PLXDC1: variants seen among roughly 807,000 people sequenced by gnomAD.
The protein encoded by PLXDC1 is plexin domain-containing protein 1.
Under a neutral mutation model 61.3 loss-of-function variants are expected in PLXDC1, and 39 were observed. That is an observed-to-expected ratio of 0.64 (90% CI 0.49 to 0.83). The LOEUF (loss-of-function observed/expected upper bound fraction) is 0.83. PLXDC1 is among the 40% of genes least tolerant of loss of function. PLXDC1 has a pLI of 0.00. For missense variants in PLXDC1, 596 were observed against 666.5 expected, an observed-to-expected ratio of 0.89 and a Z score of 1.17; for synonymous variants, 212 against 254.5, an observed-to-expected ratio of 0.83 and a Z score of 1.59.
intron 7 of PLXDC1, among the ~76,000 whole-genome samples, chr17:39,103,308 G>A (rs1443775070): frequency 6.6e-6 from 1 of 152,092 alleles, no homozygotes; most frequent in Non-Finnish European, 1.5e-5. Context: ...GGCTTGCAGG[G>A]GAGGTTAAGT....
intron 9 of PLXDC1, 121 bp from the exon 10 acceptor site, chr17:39,079,285 G>A (rs955924042): frequency 1.3e-6 from 1 of 798,838 alleles, no homozygotes; most frequent in South Asian, 1.4e-5. Flanking sequence ...CCAGGCTGAG[G>A]TAGTCAGGCA....
intron 1 of PLXDC1, among the ~76,000 whole-genome samples, chr17:39,145,918 T>C (rs1212156469): frequency 6.6e-6 from 1 of 152,092 alleles, no homozygotes; most frequent in Non-Finnish European, 1.5e-5. Flanking sequence ...CAAAATCATA[T>C]ACACAGAGCA....
chr17:39,129,482 T>A (rs192994523), intron 2 of PLXDC1, among the ~76,000 whole-genome samples: 59 of 151,718 alleles, frequency 3.9e-4, no homozygotes, highest in Admixed American at 3.8e-3. Flanking sequence ...CCAGGCATGG[T>A]GGCACGCGCC....
At chr17:39,096,746 C>A (rs1407798686) in intron 7 of PLXDC1, 2 of 358,950 alleles carry the variant, frequency 5.6e-6, no homozygotes, top group Non-Finnish European at 1.1e-5. Context: ...TTCAGAATCC[C>A]TGTCAGTTTC....
chr17:39,083,366 G>A (rs957420701), intron 9 of PLXDC1, 93 bp downstream of exon 9: 5 of 900,086 alleles, frequency 5.6e-6, no homozygotes, highest in Middle Eastern at 5.6e-4. Context: ...CATGTTGGCT[G>A]ACTGTGGGCA....
At chr17:39,096,785 T>A (rs558276360) in intron 7 of PLXDC1, 4 of 391,612 alleles carry the variant, frequency 1.0e-5, no homozygotes, top group Non-Finnish European at 2.1e-5. Flanking sequence ...GTTGCTTTTA[T>A]ACTAACCATG....
chr17:39,089,793 A>G (rs1189757265), intron 7 of PLXDC1, among the ~76,000 whole-genome samples: 1 of 151,974 alleles, frequency 6.6e-6, no homozygotes, highest in East Asian at 1.9e-4. Flanking sequence ...TTCACATAGT[A>G]TCTCATTATT....
chr17:39,135,672 CGT>C (rs1911724296), intron 2 of PLXDC1, among the ~76,000 whole-genome samples: 1 of 144,714 alleles, frequency 6.9e-6, no homozygotes. Context: ...AGCAACACTC[CGT>C]CTAAAAAAAA....
Position 39,128,067 on chromosome 17 carries a change from GTCTCTCTC to G in PLXDC1, c.255+11579_255+11586del, listed in dbSNP as rs376740692. On this transcript the variant is annotated intron_variant, in intron 2 of 13. Transcript: ENST00000315392. ...CAGCTCTCTCTCTCTCTCTCTCTCT[GTCTCTCTC>G]TCTCTCTCTCTCTCTCTATGTGTAT... Among the ~76,000 whole-genome samples, 273 of 78,528 alleles carry G rather than the reference GTCTCTCTC, an allele frequency of 3.5e-3. 15 individuals carry two copies. Among genetic ancestry groups the G allele is most frequent in the South Asian group, 0.034 (83 of 2,426 alleles). 51.5% of individuals were successfully genotyped at this position (78,528 alleles called of 152,430 possible). A position where few individuals can be genotyped will look rare whatever the true frequency, so the allele number is the denominator to read the frequency against.
At chr17:39,129,406 C>T (rs755668868) in intron 2 of PLXDC1, among the ~76,000 whole-genome samples, 3 of 150,972 alleles carry the variant, frequency 2.0e-5, no homozygotes, top group Non-Finnish European at 2.9e-5. Context: ...ATCACGAGGT[C>T]AGGAGATCGA....
intron 2 of PLXDC1, among the ~76,000 whole-genome samples, chr17:39,128,100 T>C (rs956918093): frequency 4.2e-5 from 4 of 95,386 alleles, no homozygotes; most frequent in Non-Finnish European, 8.3e-5. Context: ...TCTATGTGTA[T>C]ATATATATAT....
chr17:39,107,386 T>C lies in PLXDC1; in HGVS notation c.711+21A>G, dbSNP rs372444491. Reference sequence around the variant, plus strand: ...AGAAAGGCTCCAAGACCCAGCTGTCTCTGCAGCTGGGCCCACTCACCTCTT... The same window carrying C: ...AGAAAGGCTCCAAGACCCAGCTGTCCCTGCAGCTGGGCCCACTCACCTCTT... On this transcript the variant is annotated intron_variant, in intron 6 of 13. Coordinates refer to ENST00000315392, the MANE Select transcript of PLXDC1 (RefSeq NM_020405.5). The C allele has an allele frequency of 1.7e-5, 24 of 1,383,054 alleles. No homozygotes were observed. The East Asian group carries it at 2.1e-4, about 12-fold the overall frequency. 85.7% of individuals were successfully genotyped at this position (1,383,054 alleles called of 1,614,324 possible). A position where few individuals can be genotyped will look rare whatever the true frequency, so the allele number is the denominator to read the frequency against.
intron 2 of PLXDC1, among the ~76,000 whole-genome samples, chr17:39,122,378 CAAAAAAAAAAA>C (rs71141762): frequency 3.3e-3 from 121 of 36,522 alleles, no homozygotes; most frequent in African/African-American, 0.012. Flanking sequence ...GACTCTGTCT[CAAAAAAAAAAA>C]AAAAAAAAAA....
chr17:39,109,562 C>G (rs1255094462), intron 2 of PLXDC1, among the ~76,000 whole-genome samples, 171 bp from the exon 3 acceptor site: 1 of 152,178 alleles, frequency 6.6e-6, no homozygotes, highest in Non-Finnish European at 1.5e-5. Context: ...CTGGACTCCC[C>G]CTTGGCCCCA....
chr17:39,134,886 C>T (rs1465654118), intron 2 of PLXDC1, among the ~76,000 whole-genome samples: 1 of 152,004 alleles, frequency 6.6e-6, no homozygotes, highest in Non-Finnish European at 1.5e-5. Flanking sequence ...CCCCAGAGCC[C>T]CAGCCCCAGT....
intron 2 of PLXDC1, among the ~76,000 whole-genome samples, chr17:39,116,440 G>T (rs964576165): frequency 6.6e-6 from 1 of 152,160 alleles, no homozygotes; most frequent in African/African-American, 2.4e-5. Context: ...GCAGCCAATG[G>T]TGTCAAGACT....
At chr17:39,134,329 G>T (rs1442306381) in intron 2 of PLXDC1, among the ~76,000 whole-genome samples, 1 of 151,662 alleles carries the variant, frequency 6.6e-6, no homozygotes, top group Non-Finnish European at 1.5e-5. Context: ...GCAGCTGCTG[G>T]AAAACCACCA....
chr17:39,138,348 A>G (rs923171475), intron 2 of PLXDC1, among the ~76,000 whole-genome samples: 2 of 152,224 alleles, frequency 1.3e-5, no homozygotes, highest in Non-Finnish European at 2.9e-5. Flanking sequence ...AGGAAGAGCC[A>G]AAATCATACA....
chr17:39,077,292 G>C (rs146596388), intron 11 of PLXDC1, among the ~76,000 whole-genome samples: 1 of 152,296 alleles, frequency 6.6e-6, no homozygotes, highest in Non-Finnish European at 1.5e-5. Flanking sequence ...CCTGCACAAG[G>C]CTTCCTGGGA....
Sources: gnomAD v4.1 joint callset for allele counts (sites outside exome capture counted in the v4.1 genomes callset) on GRCh38, gnomAD v4.1.1 for gene constraint, MANE v1.5 for transcripts, NCBI Gene and HGNC (gene_info 2026-07-23, HGNC 2026-07-21) for gene names.